Variants in LCT observed in about 807,000 individuals in gnomAD.
The protein encoded by LCT is lactase.
A neutral mutation model predicts 173.0 loss-of-function variants in LCT; 90 were observed. That is an observed-to-expected ratio of 0.52 (90% CI 0.44 to 0.62). LCT has a LOEUF of 0.62. LCT is among the 20% of genes least tolerant of loss of function. The probability of loss-of-function intolerance (pLI) is 0.00; values close to 1 mark genes in which losing one functional copy is unlikely to be tolerated. For missense variants in LCT, 1,864 were observed against 2,431.4 expected, an observed-to-expected ratio of 0.77 and a Z score of 4.91; for synonymous variants, 853 against 957.6, an observed-to-expected ratio of 0.89 and a Z score of 2.02.
At chr2:135,788,785 A>G (rs1015162631) in intron 16 of LCT, among the ~76,000 whole-genome samples, 1 of 152,206 alleles carries the variant, frequency 6.6e-6, no homozygotes, top group East Asian at 1.9e-4. Context: ...CTTATCTGAC[A>G]TGCTTGCTTG....
At chr2:135,829,857 A>T in intron 2 of LCT, among the ~76,000 whole-genome samples, 181 bp from the exon 3 acceptor site, 1 of 34,006 alleles carries the variant, frequency 2.9e-5, no homozygotes, top group South Asian at 1.0e-3. Context: ...GTGTGTGTGT[A>T]GGGGGCGGGG....
intron 2 of LCT, 25 bp from the exon 3 acceptor site, chr2:135,829,701 C>CTAATGACCCT: frequency 6.7e-7 from 1 of 1,489,454 alleles, no homozygotes; most frequent in Non-Finnish European, 9.4e-7. Flanking sequence ...TAAATAGGGT[C>CTAATGACCCT]ATTAGAACCT....
intron 14 of LCT, among the ~76,000 whole-genome samples, chr2:135,791,424 G>GTGAT (rs1210287499): frequency 2.6e-5 from 4 of 152,260 alleles, no homozygotes; most frequent in African/African-American, 9.6e-5. Flanking sequence ...TCTCTCTTCA[G>GTGAT]TGATGGACGA....
intron 3 of LCT, among the ~76,000 whole-genome samples, chr2:135,825,150 T>C (rs968292865): frequency 1.3e-5 from 2 of 152,230 alleles, no homozygotes; most frequent in African/African-American, 4.8e-5. Flanking sequence ...TTACCTTTTT[T>C]GCGGGGCTTG....
At position 135,836,803 on chromosome 2, in the gene LCT, C is replaced by A. The variant is rs1679405907; in HGVS notation, c.367G>T (p.Ala123Ser). 1 of 1,614,196 alleles carries A rather than the reference C, an allele frequency of 6.2e-7. No individual in the cohort carries two copies. The highest frequency in any genetic ancestry group is 8.5e-7 in the Non-Finnish European group (1 of 1,180,036). The change falls in exon 1 of 17, where the codon GCA becomes TCA. Residue 123 changes from alanine (A) to serine (S), a missense_variant. This residue lies in a region of LCT where 412 missense variants were observed against 462.0 expected (regional missense o/e 0.89). Transcript: ENST00000264162. The part of the protein sequence containing the change: ...YRRLLKALKT[A>S]RLQPMVILHH... ...AGGATGACCATGGGCTGAAGCCGTG[C>A]AGTCTTGAGGGCCTTGAGGAGTCGC...
chr2:135,797,368 C>G (rs1340630288), intron 13 of LCT, among the ~76,000 whole-genome samples: 1 of 152,148 alleles, frequency 6.6e-6, no homozygotes, highest in Non-Finnish European at 1.5e-5. Flanking sequence ...GGCATGTTCC[C>G]GTGGGCAGTG....
chr2:135,835,784 T>A (rs1446939049), intron 1 of LCT, among the ~76,000 whole-genome samples: 2 of 149,616 alleles, frequency 1.3e-5, no homozygotes, highest in Non-Finnish European at 3.0e-5. Context: ...TGTATTTGTC[T>A]GTCTCCCAAG....
intron 13 of LCT, among the ~76,000 whole-genome samples, chr2:135,796,249 T>C (rs962111060): frequency 6.6e-6 from 1 of 152,212 alleles, no homozygotes; most frequent in African/African-American, 2.4e-5. Context: ...GACACTTTCA[T>C]CTTGACCTTT....
At chr2:135,808,389 A>G in intron 8 of LCT, 54 bp downstream of exon 8, 2 of 1,384,000 alleles carry the variant, frequency 1.4e-6, no homozygotes, top group Non-Finnish European at 2.1e-6. Context: ...TTTCAGGCAT[A>G]TGACCCAGGG....
chr2:135,813,132 C>A (rs2105538551), intron 6 of LCT, among the ~76,000 whole-genome samples, 176 bp from the exon 7 acceptor site: 1 of 152,182 alleles, frequency 6.6e-6, no homozygotes, highest in Middle Eastern at 3.4e-3. Flanking sequence ...AAGTCATCAA[C>A]AAATAACAAT....
At chr2:135,810,014 T>C (rs1338196360) in intron 7 of LCT, 21 bp from the exon 8 acceptor site, 6 of 1,466,798 alleles carry the variant, frequency 4.1e-6, no homozygotes, top group Non-Finnish European at 5.7e-6. Context: ...AAATAAAAAT[T>C]AGATTTATTT....
chr2:135,828,112 C>A (rs2077901972), intron 3 of LCT, among the ~76,000 whole-genome samples: 1 of 152,144 alleles, frequency 6.6e-6, no homozygotes, highest in African/African-American at 2.4e-5. Context: ...GCAACCTCCG[C>A]CTCCCAGGTT....
At chr2:135,830,770 C>T (rs1364658335) in intron 2 of LCT, among the ~76,000 whole-genome samples, 1 of 152,206 alleles carries the variant, frequency 6.6e-6, no homozygotes, top group Non-Finnish European at 1.5e-5. Flanking sequence ...CCTGCCCACT[C>T]TCGCAGCTCT....
intron 8 of LCT, 77 bp from the exon 9 acceptor site, chr2:135,807,473 G>T: frequency 7.4e-7 from 1 of 1,356,322 alleles, no homozygotes; most frequent in Non-Finnish European, 1.1e-6. Context: ...CCCACTGCCA[G>T]CTCCTCAATT....
At chr2:135,801,542 T>A (rs182584263) in intron 11 of LCT, among the ~76,000 whole-genome samples, 1 of 151,762 alleles carries the variant, frequency 6.6e-6, no homozygotes, top group African/African-American at 2.4e-5. Flanking sequence ...TGGTGAAACC[T>A]GTCTCTACTA....
chr2:135,816,718 C>T (rs972448052), intron 6 of LCT, among the ~76,000 whole-genome samples: 25 of 152,308 alleles, frequency 1.6e-4, no homozygotes, highest in South Asian at 8.3e-4. Context: ...CAAATCCTGA[C>T]TTCCACCTGG....
intron 11 of LCT, 59 bp downstream of exon 11, chr2:135,803,871 T>C (rs2077647057): frequency 6.0e-6 from 9 of 1,499,566 alleles, no homozygotes; most frequent in Non-Finnish European, 8.3e-6. Flanking sequence ...GGATTTCAAC[T>C]CTTGATGTGC....
chr2:135,828,832 C>A (rs1209045111), intron 3 of LCT, among the ~76,000 whole-genome samples: 2 of 152,078 alleles, frequency 1.3e-5, no homozygotes, highest in Non-Finnish European at 2.9e-5. Context: ...CAGCTGGGAT[C>A]TGATTTAGTA....
chr2:135,836,976 T>C lies in LCT; in HGVS notation c.194A>G (p.His65Arg), dbSNP rs200149145. ...VAGDKDMYVC[H>R]QPLPTFLPEY... ...TGGCAGGAAAGTGGGCAGTGGCTGG[T>C]GACAAACATACATGTCTTTGTCCCC... The change falls in exon 1 of 17, where the codon CAC becomes CGC. Residue 65 changes from histidine to arginine, a missense_variant. Around this residue, in one of 4 missense-constraint regions of LCT, gnomAD observed 412 missense variants for 462.0 expected, o/e 0.89. Coordinates refer to ENST00000264162, the MANE Select transcript of LCT (RefSeq NM_002299.4). 2.5e-6 allele frequency: 4 copies of C among 1,613,494 alleles called. No individual in the cohort carries two copies. The South Asian group carries it at 4.4e-5, about 18-fold the overall frequency.
Sources: allele counts gnomAD v4.1 joint callset (sites outside exome capture counted in the v4.1 genomes callset), GRCh38; gene constraint gnomAD v4.1.1; regional missense constraint gnomAD v4.1.1; transcripts MANE v1.5; gene names NCBI Gene and HGNC (gene_info 2026-07-23, HGNC 2026-07-21).